The following SPAG16 variants were observed in gnomAD, a reference collection of about 807,000 sequenced individuals.
The protein encoded by SPAG16 is sperm associated antigen 16.
In SPAG16, 86 loss-of-function variants were observed where a neutral mutation model predicts 80.4. The observed-to-expected ratio is 1.07, with a 90% CI of 0.90 to 1.28. SPAG16 has a LOEUF of 1.28. Ranked by LOEUF, SPAG16 falls within the 50% of genes most tolerant of loss-of-function variation. SPAG16 has a pLI of 0.00. For synonymous variants in SPAG16, 294 were observed against 265.9 expected, an observed-to-expected ratio of 1.11 and a Z score of -1.03; for missense variants, 870 against 765.3, an observed-to-expected ratio of 1.14 and a Z score of -1.61.
chr2:213,407,162 T>A (rs2068656063), intron 9 of SPAG16, among the ~76,000 whole-genome samples: 1 of 152,132 alleles, frequency 6.6e-6, no homozygotes, highest in South Asian at 2.1e-4. Flanking sequence ...TGACAAGTCC[T>A]ACTGCTGGAC....
intron 15 of SPAG16, among the ~76,000 whole-genome samples, chr2:214,229,821 T>C (rs1338308186): frequency 6.6e-6 from 1 of 151,894 alleles, no homozygotes; most frequent in African/African-American, 2.4e-5. Flanking sequence ...ATGTATAATA[T>C]ACACAAACTT....
intron 9 of SPAG16, among the ~76,000 whole-genome samples, chr2:213,407,961 C>CAG (rs748473801): frequency 5.3e-5 from 4 of 75,014 alleles, no homozygotes; most frequent in Non-Finnish European, 7.6e-5. Context: ...AGGAGAGAGG[C>CAG]AGAGAGAGAG....
intron 10 of SPAG16, among the ~76,000 whole-genome samples, chr2:213,860,482 T>TATATATAG (rs143040242): frequency 2.3e-5 from 3 of 132,854 alleles, no homozygotes; most frequent in Admixed American, 7.7e-5. Context: ...TCTATATATA[T>TATATATAG]ATATACACAC....
At chr2:214,117,180 A>G (rs1194182284) in intron 14 of SPAG16, among the ~76,000 whole-genome samples, 1 of 152,170 alleles carries the variant, frequency 6.6e-6, no homozygotes, top group Non-Finnish European at 1.5e-5. Flanking sequence ...AAAAAATCAA[A>G]CAGAAATCCT....
intron 9 of SPAG16, among the ~76,000 whole-genome samples, chr2:213,486,639 ACTT>A (rs1166615729): frequency 1.3e-5 from 2 of 152,038 alleles, no homozygotes; most frequent in African/African-American, 4.8e-5. Flanking sequence ...TAAAGCAATA[ACTT>A]CTTTTATTAT....
At position 213,998,292 on chromosome 2, in the gene SPAG16, TGGG is replaced by T. The variant is rs1268373513; in HGVS notation, c.1401-15658_1401-15656del. ...GTACTCCCATAATTCCCATGTGTTC[TGGG>T]AGGACCAGGTGGGAGATAATTTGAA... On this transcript the variant is annotated intron_variant, in intron 12 of 15. Coordinates refer to ENST00000331683, the MANE Select transcript of SPAG16 (RefSeq NM_024532.5). 6.6e-5 allele frequency among the ~76,000 whole-genome samples: 10 copies of T among 152,324 alleles called. No homozygotes were observed. The South Asian group carries it at 1.2e-3, about 19-fold the overall frequency.
At chr2:214,096,276 A>G (rs2052582629) in intron 13 of SPAG16, among the ~76,000 whole-genome samples, 2 of 134,024 alleles carry the variant, frequency 1.5e-5, no homozygotes, top group Admixed American at 1.5e-4. Flanking sequence ...GGTTTTTTTA[A>G]TGCAAAAAAA....
intron 9 of SPAG16, among the ~76,000 whole-genome samples, chr2:213,418,226 T>C (rs1255351852): frequency 6.6e-6 from 1 of 152,162 alleles, no homozygotes; most frequent in Non-Finnish European, 1.5e-5. Context: ...ATGGTATTTA[T>C]AGATATACAT....
chr2:213,913,218 T>C (rs908828931), intron 11 of SPAG16, among the ~76,000 whole-genome samples: 1 of 152,162 alleles, frequency 6.6e-6, no homozygotes, highest in Non-Finnish European at 1.5e-5. Context: ...CTGTAGTATA[T>C]TCATTTTCAC....
At chr2:213,687,510 A>G (rs1045907296) in intron 10 of SPAG16, among the ~76,000 whole-genome samples, 3 of 152,260 alleles carry the variant, frequency 2.0e-5, no homozygotes, top group Non-Finnish European at 2.9e-5. Flanking sequence ...CATTTTTTAA[A>G]TGATATTCTT....
chr2:213,760,643 T>TACTTCATA (rs749098895), intron 10 of SPAG16, among the ~76,000 whole-genome samples: 12 of 152,206 alleles, frequency 7.9e-5, no homozygotes, highest in Non-Finnish European at 1.6e-4. Context: ...GACTATATGT[T>TACTTCATA]ACTTCATAAA....
intron 15 of SPAG16, among the ~76,000 whole-genome samples, chr2:214,308,244 G>T (rs191381276): frequency 6.6e-6 from 1 of 151,994 alleles, no homozygotes; most frequent in East Asian, 1.9e-4. Context: ...TTCTTGGTAG[G>T]TTTTTCTCTA....
intron 4 of SPAG16, 142 bp downstream of exon 4, chr2:213,310,319 AACACACACACACACAC>A (rs59407158): frequency 0.022 from 7,670 of 347,048 alleles, 146 homozygotes; most frequent in African/African-American, 0.06. Flanking sequence ...CTGAAACCAC[AACACACACACACACAC>A]ACACACACAC....
At chr2:214,167,353 G>A (rs1009116565) in intron 15 of SPAG16, among the ~76,000 whole-genome samples, 2 of 152,216 alleles carry the variant, frequency 1.3e-5, no homozygotes, top group Middle Eastern at 3.4e-3. Flanking sequence ...GTGGAGGCCT[G>A]AGTTACCACA....
At chr2:213,399,616 T>G (rs1453188713) in intron 9 of SPAG16, among the ~76,000 whole-genome samples, 2 of 152,120 alleles carry the variant, frequency 1.3e-5, no homozygotes, top group Non-Finnish European at 2.9e-5. Flanking sequence ...AAATTGATCT[T>G]TAATTTTCCT....
At chr2:214,012,516 G>A (rs553455717) in intron 12 of SPAG16, among the ~76,000 whole-genome samples, 7 of 151,160 alleles carry the variant, frequency 4.6e-5, no homozygotes, top group African/African-American at 7.3e-5. Flanking sequence ...GGCTGGTCTC[G>A]AACACCTGAC....
At position 213,945,261 on chromosome 2, in the gene SPAG16, A is replaced by G. The variant is rs190275193; in HGVS notation, c.1400+15116A>G. 8.8e-5 allele frequency among the ~76,000 whole-genome samples: 13 copies of G among 147,830 alleles called. No individual in the cohort carries two copies. In the East Asian group the frequency reaches 2.4e-3, roughly 27 times the overall value. ...TATATGTGTATATATACAAGTTTAT[A>G]CAAGTATATATATATACACAAACAC... On this transcript the variant is annotated intron_variant, in intron 12 of 15. Coordinates refer to ENST00000331683, the MANE Select transcript of SPAG16 (RefSeq NM_024532.5).
chr2:214,212,957 GGT>G (rs1300300338), intron 15 of SPAG16, among the ~76,000 whole-genome samples: 1 of 152,194 alleles, frequency 6.6e-6, no homozygotes, highest in Non-Finnish European at 1.5e-5. Flanking sequence ...CTGAAGGCAC[GGT>G]GGGCCACCAT....
chr2:213,398,469 GCCT>G (rs1211098417), intron 9 of SPAG16, among the ~76,000 whole-genome samples: 1 of 152,024 alleles, frequency 6.6e-6, no homozygotes, highest in Admixed American at 6.6e-5. Flanking sequence ...AGGCACACTA[GCCT>G]CCTACAAATT....
Sources: allele counts gnomAD v4.1 joint callset (sites outside exome capture counted in the v4.1 genomes callset), GRCh38; gene constraint gnomAD v4.1.1; transcripts MANE v1.5; gene names NCBI Gene and HGNC (gene_info 2026-07-23, HGNC 2026-07-21).